The following LRMDA variants were observed in gnomAD, a reference collection of about 807,000 sequenced individuals.
LRMDA encodes leucine rich melanocyte differentiation associated.
A neutral mutation model predicts 29.8 loss-of-function variants in LRMDA; 18 were observed. That is an observed-to-expected ratio of 0.60 (90% confidence interval 0.42 to 0.90). LRMDA has a LOEUF of 0.90. Among genes scored for constraint, LRMDA ranks in the 40% least tolerant of loss-of-function variants. The probability of loss-of-function intolerance (pLI) is 0.00; values close to 1 mark genes in which losing one functional copy is unlikely to be tolerated. For synonymous variants in LRMDA, 125 were observed against 109.4 expected, an observed-to-expected ratio of 1.14 and a Z score of -0.89; for missense variants, 273 against 273.9, an observed-to-expected ratio of 1.00 and a Z score of 0.02.
intron 2 of LRMDA, among the ~76,000 whole-genome samples, chr10:75,872,694 A>G (rs1451381068): frequency 6.6e-6 from 1 of 152,080 alleles, no homozygotes; most frequent in East Asian, 1.9e-4. Context: ...CTTTTTATAC[A>G]TGCTTCTTAC....
At chr10:75,651,903 T>C (rs897813745) in intron 2 of LRMDA, among the ~76,000 whole-genome samples, 2 of 152,214 alleles carry the variant, frequency 1.3e-5, no homozygotes, top group African/African-American at 4.8e-5. Context: ...TCACACAGTA[T>C]TGCTATGAAA....
intron 2 of LRMDA, among the ~76,000 whole-genome samples, chr10:75,995,748 C>G (rs946325618): frequency 1.3e-5 from 2 of 152,160 alleles, no homozygotes; most frequent in Admixed American, 1.3e-4. Flanking sequence ...TATCCCGGAT[C>G]TACCTTCCTG....
chr10:76,438,514 C>G (rs989089329), intron 6 of LRMDA: 13 of 152,110 alleles, frequency 8.5e-5, no homozygotes, highest in African/African-American at 2.2e-4. Context: ...GCTCTTATTA[C>G]AGCATGGAGG....
At chr10:76,339,430 C>T (rs1841010362) in intron 6 of LRMDA, among the ~76,000 whole-genome samples, 1 of 151,658 alleles carries the variant, frequency 6.6e-6, no homozygotes, top group Admixed American at 6.6e-5. Flanking sequence ...GTGGGATATA[C>T]CAAAAGTCTA....
chr10:76,233,591 A>G (rs925248573), intron 5 of LRMDA, among the ~76,000 whole-genome samples: 7 of 152,214 alleles, frequency 4.6e-5, no homozygotes, highest in African/African-American at 1.7e-4. Context: ...AAATTAGAGT[A>G]AATCCTCTCA....
intron 2 of LRMDA, among the ~76,000 whole-genome samples, chr10:75,559,349 C>T (rs1382346040): frequency 6.6e-6 from 1 of 151,040 alleles, no homozygotes; most frequent in Non-Finnish European, 1.5e-5. Context: ...AGTGTCTGTT[C>T]ATGTCCTTTG....
chr10:76,387,413 CAA>C (rs1841671895), intron 6 of LRMDA, among the ~76,000 whole-genome samples: 1 of 151,880 alleles, frequency 6.6e-6, no homozygotes, highest in South Asian at 2.1e-4. Flanking sequence ...CCAGCCCGGG[CAA>C]TATGGCAAAA....
chr10:76,489,871 C>G (rs1013127487), intron 6 of LRMDA, among the ~76,000 whole-genome samples: 3 of 151,914 alleles, frequency 2.0e-5, no homozygotes, highest in Non-Finnish European at 2.9e-5. Context: ...GACACTCATT[C>G]TCTCTCCTGC....
chr10:75,706,632 T>C (rs555738524), intron 2 of LRMDA, among the ~76,000 whole-genome samples: 1 of 152,244 alleles, frequency 6.6e-6, no homozygotes, highest in South Asian at 2.1e-4. Flanking sequence ...AGAATGAGGA[T>C]TGGCATCTGC....
chr10:75,580,450 C>T (rs2132076540), intron 2 of LRMDA, among the ~76,000 whole-genome samples: 1 of 152,316 alleles, frequency 6.6e-6, no homozygotes, highest in East Asian at 1.9e-4. Flanking sequence ...ATTCCATGCT[C>T]ATGGATAGGA....
At chr10:76,127,972 C>T (rs1304214418) in intron 5 of LRMDA, among the ~76,000 whole-genome samples, 1 of 151,890 alleles carries the variant, frequency 6.6e-6, no homozygotes, top group African/African-American at 2.4e-5. Flanking sequence ...AAAAAAACAA[C>T]AACAACAAAC....
chr10:76,185,832 CT>C (rs1192611040), intron 5 of LRMDA, among the ~76,000 whole-genome samples: 1 of 152,064 alleles, frequency 6.6e-6, no homozygotes, highest in Non-Finnish European at 1.5e-5. Flanking sequence ...TAAAGTATGG[CT>C]TGTTGCTGTT....
chr10:75,601,510 A>G (rs1053051849), intron 2 of LRMDA, among the ~76,000 whole-genome samples: 1 of 152,044 alleles, frequency 6.6e-6, no homozygotes, highest in African/African-American at 2.4e-5. Flanking sequence ...TCCCCAGGGA[A>G]AAGAGTTTTT....
At chr10:76,515,562 G>A in intron 6 of LRMDA, among the ~76,000 whole-genome samples, 1 of 152,062 alleles carries the variant, frequency 6.6e-6, no homozygotes, top group East Asian at 1.9e-4. Flanking sequence ...CTGGAGTACA[G>A]TGGCATGATC....
rs1353791953 is a variant in LRMDA at position 76,250,368 on chromosome 10, G to C, written c.517-74033G>C. ...TTGAGTGGATATAATGGGATACAGA[G>C]GGTGGCACATTGCAAGCTTTGATGA... On this transcript the variant is annotated intron_variant, in intron 5 of 6. Transcript: ENST00000611255. Among the ~76,000 whole-genome samples the C allele has an allele frequency of 5.9e-5, 9 of 152,192 alleles. No individual in the cohort carries two copies. The East Asian group carries it at 1.5e-3, about 26-fold the overall frequency.
intron 2 of LRMDA, among the ~76,000 whole-genome samples, chr10:75,837,334 AG>A (rs562806193): frequency 7.3e-4 from 111 of 152,280 alleles, no homozygotes; most frequent in Non-Finnish European, 1.4e-3. Context: ...GAGATCTTTG[AG>A]GAGGAGAAAG....
intron 5 of LRMDA, among the ~76,000 whole-genome samples, chr10:76,197,921 A>G (rs1169806147): frequency 1.3e-5 from 2 of 148,300 alleles, no homozygotes; most frequent in Non-Finnish European, 3.0e-5. Context: ...CTCCATTTCA[A>G]AAAAAAAAAA....
intron 5 of LRMDA, among the ~76,000 whole-genome samples, chr10:76,130,802 G>A (rs1026786247): frequency 2.0e-5 from 3 of 152,124 alleles, no homozygotes; most frequent in Non-Finnish European, 4.4e-5. Context: ...TGGGATTACA[G>A]GTGCCCACCA....
At chr10:75,882,124 T>C (rs1212212881) in intron 2 of LRMDA, among the ~76,000 whole-genome samples, 1 of 152,112 alleles carries the variant, frequency 6.6e-6, no homozygotes, top group Non-Finnish European at 1.5e-5. Flanking sequence ...GTTTGGTGAT[T>C]ATGAGGAGGA....
Sources: allele counts gnomAD v4.1 joint callset (sites outside exome capture counted in the v4.1 genomes callset), GRCh38; gene constraint gnomAD v4.1.1; transcripts MANE v1.5; gene names NCBI Gene and HGNC (gene_info 2026-07-23, HGNC 2026-07-21).